The following UBE3D variants were observed in gnomAD, a reference collection of about 807,000 sequenced individuals.
UBE3D encodes E3 ubiquitin-protein ligase E3D.
In UBE3D, 48 loss-of-function variants were observed where a neutral mutation model predicts 49.6. The observed-to-expected ratio is 0.97, with a 90% CI of 0.77 to 1.23. The LOEUF (loss-of-function observed/expected upper bound fraction) is 1.23, where lower values mean the gene tolerates loss of function less well. Among genes scored for constraint, UBE3D ranks in the 50% most tolerant of loss-of-function variants. The pLI is 0.00. For missense variants in UBE3D, 452 were observed against 468.4 expected (o/e 0.96, Z 0.32); for synonymous variants, 189 against 174.2 (o/e 1.08, Z -0.67).
At chr6:82,994,073 T>C (rs1779080722) in intron 8 of UBE3D, among the ~76,000 whole-genome samples, 1 of 152,192 alleles carries the variant, frequency 6.6e-6, no homozygotes. Context: ...AGCAAAACAA[T>C]AATCATAGGG....
chr6:83,040,727 G>C (rs770000053), intron 4 of UBE3D, among the ~76,000 whole-genome samples: 13 of 152,300 alleles, frequency 8.5e-5, no homozygotes, highest in Middle Eastern at 3.4e-3. Context: ...TTCAGTCCTG[G>C]CTCAAACTTT....
At chr6:83,057,684 G>T in intron 2 of UBE3D, 142 bp downstream of exon 2, 1 of 744,090 alleles carries the variant, frequency 1.3e-6, no homozygotes, top group Non-Finnish European at 2.2e-6. Context: ...ATTGCATACA[G>T]CCAATAACTG....
chr6:82,947,029 C>A (rs1214209972), intron 9 of UBE3D, among the ~76,000 whole-genome samples: 1 of 151,232 alleles, frequency 6.6e-6, no homozygotes, highest in Non-Finnish European at 1.5e-5. Flanking sequence ...AAACAAATAA[C>A]AAAATGCCAG....
chr6:83,014,951 A>G (rs868721164), intron 8 of UBE3D, among the ~76,000 whole-genome samples: 1 of 152,182 alleles, frequency 6.6e-6, no homozygotes, highest in African/African-American at 2.4e-5. Flanking sequence ...TTCTAGGAAC[A>G]TCGTAATTAG....
At chr6:82,955,819 C>G (rs1776116591) in intron 9 of UBE3D, among the ~76,000 whole-genome samples, 1 of 152,164 alleles carries the variant, frequency 6.6e-6, no homozygotes, top group South Asian at 2.1e-4. Context: ...CTCTGACCCA[C>G]TGAGTGTTTC....
chr6:82,998,967 C>T (rs1383367072), intron 8 of UBE3D, among the ~76,000 whole-genome samples: 1 of 152,140 alleles, frequency 6.6e-6, no homozygotes, highest in Non-Finnish European at 1.5e-5. Context: ...TCATGAACCT[C>T]AAATGGGCAA....
intron 8 of UBE3D, among the ~76,000 whole-genome samples, chr6:82,967,905 A>T (rs1314603515): frequency 6.6e-6 from 1 of 152,188 alleles, no homozygotes; most frequent in Non-Finnish European, 1.5e-5. Context: ...AGTCTCCAGA[A>T]TAGGTGCAAT....
chr6:83,053,050 G>A (rs145165677), intron 3 of UBE3D, among the ~76,000 whole-genome samples: 49 of 152,374 alleles, frequency 3.2e-4, no homozygotes, highest in African/African-American at 9.9e-4. Context: ...GCTGACCCAC[G>A]TTAGAGCATA....
chr6:82,951,754 G>A (rs1232139811), intron 9 of UBE3D, among the ~76,000 whole-genome samples: 1 of 152,180 alleles, frequency 6.6e-6, no homozygotes, highest in Non-Finnish European at 1.5e-5. Context: ...ACCAAGGAAT[G>A]CCAAAGGCAG....
chr6:83,058,443 A>G (rs1359207818), intron 1 of UBE3D, among the ~76,000 whole-genome samples: 10 of 152,256 alleles, frequency 6.6e-5, no homozygotes, highest in African/African-American at 2.4e-4. Context: ...TGATGTATGA[A>G]TATCAGGTGT....
At chr6:82,939,781 T>C (rs1388301587) in intron 9 of UBE3D, among the ~76,000 whole-genome samples, 1 of 152,200 alleles carries the variant, frequency 6.6e-6, no homozygotes, top group Non-Finnish European at 1.5e-5. Context: ...TGTATCTCTA[T>C]CATTAAGTGA....
At position 83,060,770 on chromosome 6, in the gene UBE3D, C is replaced by T. The variant is rs185960023; in HGVS notation, c.78-2748G>A. The stretch of plus-strand genomic sequence containing the variant: ...AATGACAGGTACCTACCAAAAAAGA[C>T]GCAGAAACCATCCAGAAAGGACTTC... On this transcript the variant is annotated intron_variant, in intron 1 of 9. Transcript: ENST00000369747. Among the ~76,000 whole-genome samples, 67 of 152,202 alleles carry T rather than the reference C, an allele frequency of 4.4e-4. 2 individuals are homozygous for T. In the East Asian group the frequency reaches 5.8e-3, roughly 13 times the overall value.
At chr6:83,055,087 C>G (rs765325380) in intron 2 of UBE3D, among the ~76,000 whole-genome samples, 59 of 152,190 alleles carry the variant, frequency 3.9e-4, no homozygotes, top group Non-Finnish European at 7.2e-4. Context: ...TCCAGTTTTC[C>G]CAGATCAAAA....
intron 9 of UBE3D, among the ~76,000 whole-genome samples, chr6:82,909,139 T>C (rs1357849535): frequency 6.6e-6 from 1 of 152,176 alleles, no homozygotes; most frequent in Non-Finnish European, 1.5e-5. Flanking sequence ...ACTTCTGTGG[T>C]TCTCTCTGAA....
chr6:82,954,319 T>C (rs1776010216), intron 9 of UBE3D, among the ~76,000 whole-genome samples: 1 of 152,150 alleles, frequency 6.6e-6, no homozygotes. Context: ...GCATTAGAAA[T>C]AGTAAGGTAC....
chr6:82,949,455 C>T (rs1426895171), intron 9 of UBE3D, among the ~76,000 whole-genome samples: 2 of 151,812 alleles, frequency 1.3e-5, no homozygotes, highest in African/African-American at 2.4e-5. Context: ...AAGCAATCTA[C>T]AGATTCAATG....
At chr6:83,011,975 C>G (rs958214685) in intron 8 of UBE3D, among the ~76,000 whole-genome samples, 2 of 152,126 alleles carry the variant, frequency 1.3e-5, no homozygotes, top group African/African-American at 4.8e-5. Flanking sequence ...TTGCCCCAGC[C>G]CTGCAAAGTA....
chr6:82,915,175 A>T (rs1772829004), intron 9 of UBE3D, among the ~76,000 whole-genome samples: 1 of 152,226 alleles, frequency 6.6e-6, no homozygotes, highest in African/African-American at 2.4e-5. Context: ...AATAAAGCTT[A>T]GGAAGCAGTA....
the UBE3D span, among the ~76,000 whole-genome samples, chr6:82,883,227 G>A: frequency 6.6e-6 from 1 of 152,084 alleles, no homozygotes; most frequent in African/African-American, 2.4e-5. Context: ...AGTCTGGGAG[G>A]AATAAGGAAA....
Sources: gnomAD v4.1 joint callset for allele counts (sites outside exome capture counted in the v4.1 genomes callset) on GRCh38, gnomAD v4.1.1 for gene constraint, MANE v1.5 for transcripts, NCBI Gene and HGNC (gene_info 2026-07-23, HGNC 2026-07-21) for gene names.